The following GRM3 variants were observed in gnomAD, a reference collection of about 807,000 sequenced individuals.
The protein encoded by GRM3 is metabotropic glutamate receptor 3.
GRM3 carries 26 observed loss-of-function variants against 70.5 expected under a neutral mutation model. The observed-to-expected ratio is 0.37, with a 90% CI of 0.27 to 0.51. The LOEUF (loss-of-function observed/expected upper bound fraction) is 0.51, where lower values mean the gene tolerates loss of function less well. GRM3 is among the 20% of genes least tolerant of loss of function. GRM3 has a pLI of 0.93. For missense variants in GRM3, 859 were observed against 1,123.8 expected (o/e 0.76, Z 3.37); for synonymous variants, 443 against 434.9 (o/e 1.02, Z -0.23).
At chr7:86,862,933 T>C (rs966097414) in intron 5 of GRM3, among the ~76,000 whole-genome samples, 1 of 152,190 alleles carries the variant, frequency 6.6e-6, no homozygotes, top group South Asian at 2.1e-4. Context: ...AGCCAGTTTA[T>C]CTGCAGGTTA....
In GRM3 at chr7:86,857,476, G is replaced by C. The variant is rs547588103; in HGVS notation, c.2567-6806G>C. ...CTGTGTGGGCAAAATATAAAAGAGG[G>C]AGCAGCCAAAGAGATCATTTAGGAG... On this transcript the variant is annotated intron_variant, in intron 5 of 5. Coordinates refer to ENST00000361669, the MANE Select transcript of GRM3 (RefSeq NM_000840.3). Among the ~76,000 whole-genome samples, 3 of 152,244 alleles carry C rather than the reference G, an allele frequency of 2.0e-5. No homozygotes were observed. The East Asian group carries it at 5.8e-4, about 29-fold the overall frequency.
intron 1 of GRM3, among the ~76,000 whole-genome samples, chr7:86,685,076 T>A (rs2115990535): frequency 6.6e-6 from 1 of 152,352 alleles, no homozygotes; most frequent in South Asian, 2.1e-4. Context: ...CTAGGTTCAA[T>A]TTCTCATTAT....
intron 1 of GRM3, among the ~76,000 whole-genome samples, chr7:86,652,169 T>C (rs185745158): frequency 6.6e-6 from 1 of 152,186 alleles, no homozygotes; most frequent in East Asian, 1.9e-4. Context: ...CTCTTAGTTG[T>C]TGAACAAATG....
chr7:86,861,749 C>G (rs1205995548), intron 5 of GRM3, among the ~76,000 whole-genome samples: 5 of 152,140 alleles, frequency 3.3e-5, no homozygotes, highest in Non-Finnish European at 7.3e-5. Flanking sequence ...GTCCAAATTA[C>G]GATGGGATTT....
In GRM3 at chr7:86,786,278, G is replaced by T. The variant is rs1299799869; in HGVS notation, c.486G>T (p.Arg162=). 1.2e-6 allele frequency: 2 copies of T among 1,612,630 alleles called. No homozygotes were observed. Among genetic ancestry groups the T allele is most frequent in the Admixed American group, 1.7e-5 (1 of 59,946 alleles). ...TCCCCTAGGTGGCAAACCTGCTGCGGCTCTTCCAGATCCCTCAGATCAGCT... is the reference window on the plus strand; with the variant it reads ...TCCCCTAGGTGGCAAACCTGCTGCGTCTCTTCCAGATCCCTCAGATCAGCT... ...SVSIQVANLL[R]LFQIPQISYA... The change falls in exon 3 of 6, where the codon CGG becomes CGT. Residue 162 remains arginine (R), a synonymous_variant. Coordinates refer to ENST00000361669, the MANE Select transcript of GRM3 (RefSeq NM_000840.3). This position sits in a 1 kb window ranked among gnomAD's most constrained non-coding sequence, Gnocchi z 6.0.
At chr7:86,828,839 T>C (rs1798295601) in intron 3 of GRM3, among the ~76,000 whole-genome samples, 1 of 152,254 alleles carries the variant, frequency 6.6e-6, no homozygotes, top group African/African-American at 2.4e-5. Flanking sequence ...GACAGCATTT[T>C]ACCCACAATA....
At chr7:86,647,073 T>C (rs142115687) in intron 1 of GRM3, among the ~76,000 whole-genome samples, 1 of 152,324 alleles carries the variant, frequency 6.6e-6, no homozygotes, top group African/African-American at 2.4e-5. Flanking sequence ...AATATTTGTA[T>C]TGAATAAAAG....
At chr7:86,735,760 C>G (rs1408176678) in intron 1 of GRM3, among the ~76,000 whole-genome samples, 1 of 152,156 alleles carries the variant, frequency 6.6e-6, no homozygotes, top group Non-Finnish European at 1.5e-5. Flanking sequence ...AAAAAGAAGT[C>G]TTTCATAATG....
At chr7:86,689,073 T>G (rs1435049628) in intron 1 of GRM3, among the ~76,000 whole-genome samples, 1 of 150,854 alleles carries the variant, frequency 6.6e-6, no homozygotes, top group Non-Finnish European at 1.5e-5. Flanking sequence ...TGACAGATAT[T>G]GTAAGACTAG....
At chr7:86,711,380 G>C (rs887937130) in intron 1 of GRM3, among the ~76,000 whole-genome samples, 1 of 151,884 alleles carries the variant, frequency 6.6e-6, no homozygotes, top group Non-Finnish European at 1.5e-5. Context: ...ATATTTTCCT[G>C]AATTATTTTT....
intron 3 of GRM3, among the ~76,000 whole-genome samples, chr7:86,789,484 G>T (rs533753134): frequency 6.6e-6 from 1 of 152,160 alleles, no homozygotes; most frequent in African/African-American, 2.4e-5. Context: ...CATTATTACT[G>T]CTTTAAGCTT....
chr7:86,859,236 T>G (rs1011653677), intron 5 of GRM3, among the ~76,000 whole-genome samples: 10 of 152,160 alleles, frequency 6.6e-5, no homozygotes, highest in Non-Finnish European at 1.5e-4. Context: ...TGCAGAGATT[T>G]CAGGCCCAAC....
intron 1 of GRM3, among the ~76,000 whole-genome samples, chr7:86,669,967 C>G (rs1005055271): frequency 6.6e-6 from 1 of 152,138 alleles, no homozygotes; most frequent in Non-Finnish European, 1.5e-5. Flanking sequence ...CTAGTGATCA[C>G]CAAATCCAAC....
At chr7:86,758,566 A>C (rs1796403140) in intron 1 of GRM3, among the ~76,000 whole-genome samples, 1 of 152,166 alleles carries the variant, frequency 6.6e-6, no homozygotes, top group Non-Finnish European at 1.5e-5. Context: ...TTTGATGCTT[A>C]GGAAAATAAA....
At chr7:86,734,454 A>T (rs1795809648) in intron 1 of GRM3, among the ~76,000 whole-genome samples, 1 of 152,204 alleles carries the variant, frequency 6.6e-6, no homozygotes, top group African/African-American at 2.4e-5. Context: ...TCTGGATCCC[A>T]TATCTCTTCC....
chr7:86,704,022 G>T (rs893811065), intron 1 of GRM3, among the ~76,000 whole-genome samples: 8 of 151,728 alleles, frequency 5.3e-5, no homozygotes, highest in African/African-American at 1.9e-4. Flanking sequence ...TCTTTCTGTT[G>T]GTCTTAAATC....
chr7:86,733,918 A>G (rs1404700292), intron 1 of GRM3, among the ~76,000 whole-genome samples: 1 of 152,218 alleles, frequency 6.6e-6, no homozygotes, highest in Admixed American at 6.5e-5. Context: ...AATACTCCTC[A>G]AGTGATGTGG....
At chr7:86,722,940 A>G (rs889461513) in intron 1 of GRM3, among the ~76,000 whole-genome samples, 3 of 152,078 alleles carry the variant, frequency 2.0e-5, no homozygotes, top group Non-Finnish European at 4.4e-5. Flanking sequence ...TATGATCTTA[A>G]TATAACATAT....
At chr7:86,659,152 T>C (rs1793827363) in intron 1 of GRM3, among the ~76,000 whole-genome samples, 1 of 152,180 alleles carries the variant, frequency 6.6e-6, no homozygotes, top group African/African-American at 2.4e-5. Context: ...ATCCCATTTG[T>C]TAATACTAAT....
Sources: allele counts gnomAD v4.1 joint callset (sites outside exome capture counted in the v4.1 genomes callset), GRCh38; gene constraint gnomAD v4.1.1; non-coding constraint Gnocchi (gnomAD v3.1); transcripts MANE v1.5; gene names NCBI Gene and HGNC (gene_info 2026-07-23, HGNC 2026-07-21).